WNT7A: variants seen among roughly 807,000 people sequenced by gnomAD.
WNT7A encodes the protein protein Wnt-7a.
In WNT7A, 16 loss-of-function variants were observed where a neutral mutation model predicts 28.2. The observed-to-expected ratio is 0.57, with a 90% CI of 0.38 to 0.86. The LOEUF (loss-of-function observed/expected upper bound fraction) is 0.86, where lower values mean the gene tolerates loss of function less well. Ranked by LOEUF, WNT7A falls within the 40% of genes least tolerant of loss-of-function variation. The pLI is 0.00. For missense variants in WNT7A, 411 were observed against 489.7 expected, an observed-to-expected ratio of 0.84 and a Z score of 1.52; for synonymous variants, 190 against 195.9, an observed-to-expected ratio of 0.97 and a Z score of 0.25.
At chr3:13,847,454 A>C (rs1349926899) in intron 3 of WNT7A, among the ~76,000 whole-genome samples, 1 of 152,138 alleles carries the variant, frequency 6.6e-6, no homozygotes, top group African/African-American at 2.4e-5. Flanking sequence ...CCTCCAGTTC[A>C]GGGTCTCAGT....
At chr3:13,832,073 C>T (rs548273115) in intron 3 of WNT7A, among the ~76,000 whole-genome samples, 1 of 152,002 alleles carries the variant, frequency 6.6e-6, no homozygotes, top group Admixed American at 6.6e-5. Context: ...CTGCTCCCCT[C>T]CTGTTCCTGC....
intron 3 of WNT7A, among the ~76,000 whole-genome samples, chr3:13,850,334 C>A (rs1451280390): frequency 1.3e-5 from 2 of 152,232 alleles, no homozygotes; most frequent in African/African-American, 4.8e-5. Flanking sequence ...CAGGCCTTAT[C>A]TGGGCTCCGC....
At chr3:13,825,853 C>T (rs1167082765) in intron 3 of WNT7A, among the ~76,000 whole-genome samples, 1 of 152,264 alleles carries the variant, frequency 6.6e-6, no homozygotes, top group East Asian at 1.9e-4. Flanking sequence ...TGCTCCTCCT[C>T]TTCCCCTTTA....
At chr3:13,846,717 G>A (rs937170044) in intron 3 of WNT7A, among the ~76,000 whole-genome samples, 7 of 152,086 alleles carry the variant, frequency 4.6e-5, no homozygotes, top group East Asian at 1.9e-4. Flanking sequence ...CTTCCATCCC[G>A]TGGGTCCTGG....
At chr3:13,877,932 G>A (rs1695134159) in intron 1 of WNT7A, among the ~76,000 whole-genome samples, 1 of 152,222 alleles carries the variant, frequency 6.6e-6, no homozygotes, top group African/African-American at 2.4e-5. Flanking sequence ...TCACGTCTGG[G>A]GAAATGGAAA....
At chr3:13,827,257 G>A (rs192930660) in intron 3 of WNT7A, among the ~76,000 whole-genome samples, 1 of 152,356 alleles carries the variant, frequency 6.6e-6, no homozygotes, top group East Asian at 1.9e-4. Flanking sequence ...GTCCTGGAAT[G>A]TATGTAAGCA....
intron 3 of WNT7A, 130 bp from the exon 4 acceptor site, chr3:13,819,553 G>T (rs1306934889): frequency 3.0e-6 from 4 of 1,321,862 alleles, no homozygotes; most frequent in Non-Finnish European, 4.0e-6. Context: ...TTTCTTTCTG[G>T]TGTAGGAAAC....
chr3:13,817,919 G>A lies in WNT7A; in HGVS notation c.*1025C>T, dbSNP rs906320184. 6.6e-6 allele frequency: 1 copy of A among 152,174 alleles called. No individual in the cohort carries two copies. Among genetic ancestry groups the A allele is most frequent in the Non-Finnish European group, 1.5e-5 (1 of 68,046 alleles). The allele number at this position is 152,174 out of a possible 1,614,324, so 9.4% of individuals were successfully genotyped here. On this transcript the variant is annotated 3_prime_UTR_variant, in exon 4 of 4. Transcript: ENST00000285018. ...GATTTCTTTCCCGGCTAACATGGATGAGATGATGCCTCAACCCCAGGCATC... is the reference window on the plus strand; with the variant it reads ...GATTTCTTTCCCGGCTAACATGGATAAGATGATGCCTCAACCCCAGGCATC...
chr3:13,864,976 C>A (rs1428550202), intron 2 of WNT7A, among the ~76,000 whole-genome samples: 3 of 152,156 alleles, frequency 2.0e-5, no homozygotes, highest in Admixed American at 2.0e-4. Context: ...CTCTTCTGTA[C>A]CCTTGGGGAA....
chr3:13,856,954 AAGAAGAAGAAGAAGG>A (rs1694751251), intron 2 of WNT7A, among the ~76,000 whole-genome samples: 4 of 118,206 alleles, frequency 3.4e-5, no homozygotes, highest in Admixed American at 8.6e-5. Flanking sequence ...GAAGAAGAAG[AAGAAGAAGAAGAAGG>A]AGAAGAAGAA....
intron 3 of WNT7A, among the ~76,000 whole-genome samples, chr3:13,842,678 G>T (rs1694482225): frequency 6.6e-6 from 1 of 152,216 alleles, no homozygotes; most frequent in Admixed American, 6.5e-5. Context: ...TTACACAACT[G>T]GAAGGATGCA....
chr3:13,833,200 A>T (rs1040887310), intron 3 of WNT7A, among the ~76,000 whole-genome samples: 1 of 151,804 alleles, frequency 6.6e-6, no homozygotes, highest in Non-Finnish European at 1.5e-5. Context: ...TCATCAGCAC[A>T]CTCAAAGCAC....
intron 3 of WNT7A, among the ~76,000 whole-genome samples, chr3:13,839,149 C>T (rs1430538445): frequency 1.3e-5 from 2 of 152,180 alleles, no homozygotes; most frequent in Non-Finnish European, 2.9e-5. Flanking sequence ...TTCTACTGGA[C>T]AGTGCTGGTT....
At chr3:13,846,179 G>A (rs973294774) in intron 3 of WNT7A, among the ~76,000 whole-genome samples, 3 of 152,260 alleles carry the variant, frequency 2.0e-5, no homozygotes, top group Admixed American at 6.5e-5. Context: ...GCACGTGTGC[G>A]TGCCTGGATA....
At chr3:13,859,197 G>C (rs375028705) in intron 2 of WNT7A, among the ~76,000 whole-genome samples, 1 of 152,206 alleles carries the variant, frequency 6.6e-6, no homozygotes, top group African/African-American at 2.4e-5. Context: ...CTGATCCAGT[G>C]TTTGTCTGCC....
intron 3 of WNT7A, among the ~76,000 whole-genome samples, chr3:13,854,225 C>T (rs1225518071): frequency 6.6e-6 from 1 of 151,990 alleles, no homozygotes; most frequent in African/African-American, 2.4e-5. Context: ...AGGAAGGGAG[C>T]AAGGGAGAAA....
At chr3:13,848,257 G>T (rs948103376) in intron 3 of WNT7A, among the ~76,000 whole-genome samples, 1 of 152,170 alleles carries the variant, frequency 6.6e-6, no homozygotes, top group Non-Finnish European at 1.5e-5. Context: ...CTTTTACTCT[G>T]TGAGAGACCC....
At chr3:13,863,287 T>C (rs1694860951) in intron 2 of WNT7A, among the ~76,000 whole-genome samples, 1 of 152,072 alleles carries the variant, frequency 6.6e-6, no homozygotes, top group South Asian at 2.1e-4. Flanking sequence ...CATCCTTACT[T>C]TGTATTGAAT....
At chr3:13,849,035 A>C (rs1414538098) in intron 3 of WNT7A, among the ~76,000 whole-genome samples, 1 of 152,250 alleles carries the variant, frequency 6.6e-6, no homozygotes, top group African/African-American at 2.4e-5. Context: ...CATCGTTAAA[A>C]TAATGAAAGT....
Sources: gnomAD v4.1 joint callset for allele counts (sites outside exome capture counted in the v4.1 genomes callset) on GRCh38, gnomAD v4.1.1 for gene constraint, MANE v1.5 for transcripts, NCBI Gene and HGNC (gene_info 2026-07-23, HGNC 2026-07-21) for gene names.